The following SMYD2 variants were observed in gnomAD, a reference collection of about 807,000 sequenced individuals.
SMYD2 encodes the protein N-lysine methyltransferase SMYD2.
Under a neutral mutation model 59.1 loss-of-function variants are expected in SMYD2, and 53 were observed. The observed-to-expected ratio is 0.90, with a 90% CI of 0.72 to 1.13. SMYD2 has a LOEUF of 1.13. SMYD2 is among the 50% of genes most tolerant of loss of function. The pLI, the probability that SMYD2 is intolerant of heterozygous loss-of-function variation, is 0.00. For synonymous variants in SMYD2, 208 were observed against 198.8 expected, an observed-to-expected ratio of 1.05 and a Z score of -0.39; for missense variants, 494 against 544.7, an observed-to-expected ratio of 0.91 and a Z score of 0.93.
At chr1:214,328,512 G>T (rs6660335) in intron 7 of SMYD2, among the ~76,000 whole-genome samples, 1 of 152,040 alleles carries the variant, frequency 6.6e-6, no homozygotes, top group Non-Finnish European at 1.5e-5. Context: ...ATGGATTGCT[G>T]TAGTATGCTC....
intron 9 of SMYD2, 150 bp from the exon 10 acceptor site, chr1:214,331,868 A>T: frequency 1.5e-6 from 1 of 680,014 alleles, no homozygotes; most frequent in Non-Finnish European, 2.4e-6. Context: ...GGAGAAATGT[A>T]ATTCCTTTCA....
intron 2 of SMYD2, among the ~76,000 whole-genome samples, chr1:214,309,015 A>G (rs1656958309): frequency 6.6e-6 from 1 of 152,184 alleles, no homozygotes; most frequent in African/African-American, 2.4e-5. Context: ...AAAGGCTCAC[A>G]TTGCTTCCTG....
chr1:214,298,538 A>G (rs1656768855), intron 1 of SMYD2, among the ~76,000 whole-genome samples: 1 of 152,186 alleles, frequency 6.6e-6, no homozygotes, highest in South Asian at 2.1e-4. Flanking sequence ...ACAATACTTG[A>G]AAGTGGGACC....
intron 1 of SMYD2, among the ~76,000 whole-genome samples, chr1:214,286,035 G>A (rs1186701147): frequency 1.3e-5 from 2 of 152,212 alleles, no homozygotes; most frequent in Admixed American, 6.5e-5. Flanking sequence ...TGTTGTTAGT[G>A]CATGACCTTA....
chr1:214,314,878 G>A lies in SMYD2; in HGVS notation c.348+6G>A. ...CAAGGATTCTGGCCAAACAGGTGAG[G>A]AAATGGGACAATGTTCAAGTGCATT... On this transcript the variant is annotated splice_donor_region_variant and intron_variant, in intron 3 of 11. Coordinates refer to ENST00000366957, the MANE Select transcript of SMYD2 (RefSeq NM_020197.3). 1 of 1,601,338 alleles carries A rather than the reference G, an allele frequency of 6.2e-7. No homozygotes were observed. The highest frequency in any genetic ancestry group is 8.6e-7 in the Non-Finnish European group (1 of 1,168,834).
At chr1:214,326,731 C>T (rs540312144) in intron 6 of SMYD2, among the ~76,000 whole-genome samples, 2 of 152,150 alleles carry the variant, frequency 1.3e-5, no homozygotes, top group East Asian at 3.9e-4. Context: ...TTTTTGTATT[C>T]TCGGAGCAAG....
At chr1:214,314,061 C>A (rs913542715) in intron 2 of SMYD2, among the ~76,000 whole-genome samples, 1 of 152,088 alleles carries the variant, frequency 6.6e-6, no homozygotes, top group African/African-American at 2.4e-5. Flanking sequence ...CCTGTAATCT[C>A]AGCTACTCAG....
Position 214,290,290 on chromosome 1 carries a change from C to T in SMYD2, c.173+8863C>T, listed in dbSNP as rs1056721266. ...TCGCTGAGAATCCAGCTGTGTCTCT[C>T]AGATTCTTTTTCAATCAAAAATTTA... On this transcript the variant is annotated intron_variant, in intron 1 of 11. Transcript: ENST00000366957. 7.9e-5 allele frequency among the ~76,000 whole-genome samples: 12 copies of T among 152,184 alleles called. 1 individual carries two copies. The highest frequency in any genetic ancestry group is 2.4e-4 in the African/African-American group (10 of 41,434).
intron 1 of SMYD2, among the ~76,000 whole-genome samples, chr1:214,289,794 C>T (rs2102453833): frequency 6.6e-6 from 1 of 152,346 alleles, no homozygotes; most frequent in South Asian, 2.1e-4. Flanking sequence ...GGCCCCTGCA[C>T]TGGCCCCTTC....
chr1:214,319,955 A>G (rs1009985689), intron 5 of SMYD2, among the ~76,000 whole-genome samples: 15 of 152,260 alleles, frequency 9.9e-5, no homozygotes, highest in Non-Finnish European at 8.8e-5. Context: ...GTTTGCAGGA[A>G]TCTGTCCTAA....
chr1:214,308,191 C>G (rs931161231), intron 2 of SMYD2, among the ~76,000 whole-genome samples: 2 of 152,196 alleles, frequency 1.3e-5, no homozygotes, highest in African/African-American at 4.8e-5. Context: ...GTGAGTGGTA[C>G]CGCAGCTCCT....
chr1:214,336,833 T>G lies in SMYD2; in HGVS notation c.*49T>G, dbSNP rs756135404. The G allele has an allele frequency of 2.0e-6, 3 of 1,517,116 alleles. No individual in the cohort carries two copies. The South Asian group carries it at 3.5e-5, about 17-fold the overall frequency. The allele number at this position is 1,517,116 out of a possible 1,614,324, so 94.0% of individuals were successfully genotyped here. A position where few individuals can be genotyped will look rare whatever the true frequency, so the allele number is the denominator to read the frequency against. On this transcript the variant is annotated 3_prime_UTR_variant, in exon 12 of 12. Transcript: ENST00000366957. ...ATTTAAACACTTAGTTCAGAAACCTTAAAGGATTTGAATATTTCAAATTGC... is the reference window on the plus strand; with the variant it reads ...ATTTAAACACTTAGTTCAGAAACCTGAAAGGATTTGAATATTTCAAATTGC...
At chr1:214,283,128 G>A (rs1656475267) in intron 1 of SMYD2, among the ~76,000 whole-genome samples, 1 of 152,216 alleles carries the variant, frequency 6.6e-6, no homozygotes, top group Non-Finnish European at 1.5e-5. Flanking sequence ...TAGAAGGGAT[G>A]AGAAGAACTG....
chr1:214,321,035 C>T (rs66867382), intron 5 of SMYD2, among the ~76,000 whole-genome samples: 16,020 of 152,130 alleles, frequency 0.11, 1,085 homozygotes, highest in Middle Eastern at 0.2. Context: ...ACTTTTCTGG[C>T]TATGGAAAAA....
Position 214,334,285 on chromosome 1 carries a change from G to T in SMYD2, c.1198G>T (p.Ala400Ser), listed in dbSNP as rs752121860. ...RLYMGLEHKA[A>S]GEKALKKAIA... ...CTACATGGGCCTGGAACACAAAGCC[G>T]CAGGGGAGAAAGCCCTGAAGAAGGT... Residue 400 changes from alanine (A) to serine (S), a missense_variant, in exon 11 of 12, where the codon GCA becomes TCA. Ala to Ser is a moderately conservative substitution (Grantham distance 99). Transcript: ENST00000366957. The T allele has an allele frequency of 4.3e-6, 7 of 1,613,714 alleles. No individual in the cohort carries two copies. The South Asian group carries it at 7.7e-5, about 18-fold the overall frequency.
chr1:214,289,162 G>T (rs889729870), intron 1 of SMYD2, among the ~76,000 whole-genome samples: 4 of 152,120 alleles, frequency 2.6e-5, no homozygotes, highest in Non-Finnish European at 4.4e-5. Flanking sequence ...CTATAGTTTG[G>T]CAGGAACCTG....
intron 1 of SMYD2, among the ~76,000 whole-genome samples, chr1:214,282,845 T>C (rs572277848): frequency 1.3e-5 from 2 of 152,256 alleles, no homozygotes; most frequent in African/African-American, 2.4e-5. Context: ...GAAGTGAGCA[T>C]TGGGTTTTCC....
chr1:214,294,634 G>A (rs925410799), intron 1 of SMYD2, among the ~76,000 whole-genome samples: 17 of 152,190 alleles, frequency 1.1e-4, no homozygotes, highest in Admixed American at 3.9e-4. Flanking sequence ...TTGTGCCACC[G>A]CACTCCAGCC....
chr1:214,289,033 C>T (rs1427165358), intron 1 of SMYD2, among the ~76,000 whole-genome samples: 2 of 148,944 alleles, frequency 1.3e-5, no homozygotes, highest in East Asian at 4.0e-4. Flanking sequence ...ATTTATGGTG[C>T]AGCTATAGGA....
Sources: allele counts gnomAD v4.1 joint callset (sites outside exome capture counted in the v4.1 genomes callset), GRCh38; gene constraint gnomAD v4.1.1; transcripts MANE v1.5; gene names NCBI Gene and HGNC (gene_info 2026-07-23, HGNC 2026-07-21).